HIVEP2: variants seen among roughly 807,000 people sequenced by gnomAD.
The protein encoded by HIVEP2 is transcription factor HIVEP2.
A neutral mutation model predicts 180.7 loss-of-function variants in HIVEP2; 14 were observed. The ratio of observed to expected loss-of-function variants is 0.08; its 90% CI spans 0.05 to 0.12. HIVEP2 has a LOEUF of 0.12. Among genes scored for constraint, HIVEP2 ranks in the 10% least tolerant of loss-of-function variants. The probability of loss-of-function intolerance (pLI) is 1.00; values close to 1 mark genes in which losing one functional copy is unlikely to be tolerated. For synonymous variants in HIVEP2, 1,184 were observed against 1,136.4 expected (o/e 1.04, Z -0.84); for missense variants, 2,579 against 3,008.5 (o/e 0.86, Z 3.34).
intron 7 of HIVEP2, among the ~76,000 whole-genome samples, chr6:142,763,756 A>G (rs1170674135): frequency 6.6e-6 from 1 of 152,186 alleles, no homozygotes; most frequent in Non-Finnish European, 1.5e-5. Context: ...TGGTATTTAA[A>G]AGGCCATATG....
intron 1 of HIVEP2, among the ~76,000 whole-genome samples, chr6:142,942,170 T>C (rs1011369570): frequency 2.6e-5 from 4 of 152,206 alleles, no homozygotes; most frequent in Non-Finnish European, 4.4e-5. Context: ...AGCTAATTAC[T>C]GATAATAATT....
At chr6:142,827,668 CA>C (rs1562253973) in intron 2 of HIVEP2, among the ~76,000 whole-genome samples, 1 of 152,106 alleles carries the variant, frequency 6.6e-6, no homozygotes, top group Non-Finnish European at 1.5e-5. Flanking sequence ...AGCTGGTGCC[CA>C]AAGGGAAGGA....
At chr6:142,945,412 G>C (rs1265772812), upstream of HIVEP2, among the ~76,000 whole-genome samples, 1 of 152,160 alleles carries the variant, frequency 6.6e-6, no homozygotes, top group African/African-American at 2.4e-5. The surrounding 1 kb of genome is among the most constrained non-coding windows in gnomAD (Gnocchi z 5.5). Flanking sequence ...GGAGTTCGGC[G>C]GCGGCGATTC....
intron 2 of HIVEP2, among the ~76,000 whole-genome samples, chr6:142,787,860 C>T (rs1024485769): frequency 1.3e-5 from 2 of 152,122 alleles, no homozygotes; most frequent in Non-Finnish European, 2.9e-5. Context: ...TGGGGCAATT[C>T]ATTACTGGGA....
chr6:142,863,107 A>G (rs983653490), intron 1 of HIVEP2, among the ~76,000 whole-genome samples: 2 of 145,490 alleles, frequency 1.4e-5, no homozygotes, highest in Non-Finnish European at 3.0e-5. Flanking sequence ...TAATAAATAT[A>G]TTACATAATA....
At chr6:142,881,700 G>C (rs1424713871) in intron 1 of HIVEP2, among the ~76,000 whole-genome samples, 1 of 152,152 alleles carries the variant, frequency 6.6e-6, no homozygotes, top group Non-Finnish European at 1.5e-5. Context: ...CAAGTAAAAA[G>C]AGTAGAATAA....
intron 2 of HIVEP2, among the ~76,000 whole-genome samples, chr6:142,812,743 G>T (rs975299258): frequency 3.3e-5 from 5 of 152,110 alleles, no homozygotes; most frequent in Admixed American, 1.3e-4. Context: ...CTAAAGAATG[G>T]CTGTGTTAAG....
At chr6:142,756,787 A>G (rs74496601) in intron 9 of HIVEP2, among the ~76,000 whole-genome samples, 8,381 of 151,488 alleles carry the variant, frequency 0.055, 557 homozygotes, top group South Asian at 0.19. Context: ...ATAAATGGAT[A>G]AAAGATACCT....
intron 1 of HIVEP2, among the ~76,000 whole-genome samples, chr6:142,841,182 TTA>T (rs1328655526): frequency 1.3e-5 from 2 of 152,142 alleles, no homozygotes; most frequent in African/African-American, 4.8e-5. Flanking sequence ...AGGCATATAT[TTA>T]GATCCATAGC....
chr6:142,780,653 C>T (rs1775836827), intron 3 of HIVEP2, among the ~76,000 whole-genome samples: 1 of 152,162 alleles, frequency 6.6e-6, no homozygotes, highest in Admixed American at 6.5e-5. Flanking sequence ...ATCCTGGAAA[C>T]TGAAAAGATT....
At chr6:142,866,633 G>C (rs916440599) in intron 1 of HIVEP2, among the ~76,000 whole-genome samples, 2 of 152,146 alleles carry the variant, frequency 1.3e-5, no homozygotes, top group Admixed American at 6.6e-5. Flanking sequence ...AGGCAGAATA[G>C]TAATTCCAAA....
intron 1 of HIVEP2, among the ~76,000 whole-genome samples, chr6:142,898,445 T>C (rs1777052886): frequency 6.6e-6 from 1 of 152,102 alleles, no homozygotes; most frequent in African/African-American, 2.4e-5. Flanking sequence ...GCAAATCACC[T>C]GAGGTCAGGA....
At chr6:142,926,700 G>A (rs1777819364) in intron 1 of HIVEP2, among the ~76,000 whole-genome samples, 2 of 152,274 alleles carry the variant, frequency 1.3e-5, no homozygotes, top group East Asian at 3.9e-4. Flanking sequence ...CCTGACCCCC[G>A]GGCTTTTCCG....
At chr6:142,906,801 T>C (rs1369078770) in intron 1 of HIVEP2, among the ~76,000 whole-genome samples, 1 of 152,200 alleles carries the variant, frequency 6.6e-6, no homozygotes, top group Non-Finnish European at 1.5e-5. Flanking sequence ...AGTGTATGAA[T>C]GTGGGCAAAG....
At chr6:142,920,466 T>C (rs1777659364) in intron 1 of HIVEP2, among the ~76,000 whole-genome samples, 1 of 152,152 alleles carries the variant, frequency 6.6e-6, no homozygotes, top group Non-Finnish European at 1.5e-5. Flanking sequence ...CAAGACCCCA[T>C]GATTCTTATT....
rs942163007 is a variant in HIVEP2, at chr6:142,943,910, C to G, written c.-641+1189G>C. Reference sequence around the variant, plus strand: ...GGTCTCCTCGAAGTCATCCCCAGCGCCCCCCATCCGCCGCCCACACATTAT... The same window carrying G: ...GGTCTCCTCGAAGTCATCCCCAGCGGCCCCCATCCGCCGCCCACACATTAT... On this transcript the variant is annotated intron_variant, in intron 1 of 9. Coordinates refer to ENST00000367603, the MANE Select transcript of HIVEP2 (RefSeq NM_006734.4). This position sits in a 1 kb window ranked among gnomAD's most constrained non-coding sequence, Gnocchi z 4.5. 1.3e-5 allele frequency among the ~76,000 whole-genome samples: 2 copies of G among 152,076 alleles called. No individual in the cohort carries two copies. The highest frequency in any genetic ancestry group is 2.9e-5 in the Non-Finnish European group (2 of 68,004).
At chr6:142,904,813 C>G (rs2128426828) in intron 1 of HIVEP2, among the ~76,000 whole-genome samples, 1 of 152,268 alleles carries the variant, frequency 6.6e-6, no homozygotes. Context: ...TCCCGAAGAT[C>G]ATTCTTAGTC....
At chr6:142,785,097 G>C (rs1032084599) in intron 2 of HIVEP2, among the ~76,000 whole-genome samples, 2 of 151,652 alleles carry the variant, frequency 1.3e-5, no homozygotes, top group African/African-American at 4.8e-5. Flanking sequence ...CACCATGTTA[G>C]CCAGGATGGT....
chr6:142,926,289 A>G (rs1270438542), intron 1 of HIVEP2, among the ~76,000 whole-genome samples: 1 of 152,226 alleles, frequency 6.6e-6, no homozygotes. Context: ...TCACAAGATC[A>G]TTAGTATTCT....
Sources: gnomAD v4.1 joint callset for allele counts (sites outside exome capture counted in the v4.1 genomes callset) on GRCh38, gnomAD v4.1.1 for gene constraint, Gnocchi (gnomAD v3.1) non-coding constraint, MANE v1.5 for transcripts, NCBI Gene and HGNC (gene_info 2026-07-23, HGNC 2026-07-21) for gene names.